The following WASHC2A variants were observed in gnomAD, a reference collection of about 807,000 sequenced individuals.
WASHC2A encodes the protein WASH complex subunit 2A.
WASHC2A carries 82 observed loss-of-function variants against 140.3 expected under a neutral mutation model. That is an observed-to-expected ratio of 0.58 (90% CI 0.49 to 0.70). The LOEUF is 0.70. Ranked by LOEUF, WASHC2A falls within the 30% of genes least tolerant of loss-of-function variation. The pLI, the probability that WASHC2A is intolerant of heterozygous loss-of-function variation, is 0.00. For synonymous variants in WASHC2A, 340 were observed against 560.8 expected, an observed-to-expected ratio of 0.61 and a Z score of 5.56; for missense variants, 985 against 1,521.8, an observed-to-expected ratio of 0.65 and a Z score of 5.87.
rs1428198056 is a variant in WASHC2A at position 50,068,124 on chromosome 10, A to C, written c.23A>C (p.Asp8Ala). The C allele has an allele frequency of 6.2e-7, 1 of 1,605,506 alleles. No homozygotes were observed. The highest frequency in any genetic ancestry group is 1.4e-5 in the African/African-American group (1 of 73,306). MMNRTTP[D>A]QELAPASEPV... Reference sequence around the variant, plus strand: ...CTGCAGATGAACCGGACGACCCCCGACCAGGAGCTGGCGCCAGCGTCGGAG... The same window carrying C: ...CTGCAGATGAACCGGACGACCCCCGCCCAGGAGCTGGCGCCAGCGTCGGAG... The change falls in exon 2 of 31, where the codon GAC becomes GCC. Residue 8 changes from aspartate (D) to alanine (A), a missense_variant. By Grantham distance (126) the Asp-to-Ala change is moderately radical. Coordinates refer to ENST00000282633, the MANE Select transcript of WASHC2A (RefSeq NM_001005751.3).
chr10:50,127,039 T>C (rs2133081412), intron 26 of WASHC2A, 121 bp from the exon 27 acceptor site: 1 of 1,130,908 alleles, frequency 8.8e-7, no homozygotes, highest in African/African-American at 1.5e-5. Context: ...TGAATGCCTT[T>C]CCCATTAAAG....
intron 8 of WASHC2A, among the ~76,000 whole-genome samples, chr10:50,090,515 A>AAAAAAAATAT (rs1214596899): frequency 6.4e-5 from 7 of 108,760 alleles, no homozygotes; most frequent in African/African-American, 2.0e-4. Flanking sequence ...AAAAAAAAAA[A>AAAAAAAATAT]ATATATATAT....
At chr10:50,074,808 C>T (rs1196091119) in intron 3 of WASHC2A, among the ~76,000 whole-genome samples, 2 of 151,982 alleles carry the variant, frequency 1.3e-5, no homozygotes, top group African/African-American at 2.4e-5. Context: ...CCCAGCTACT[C>T]GGGAGCTTGA....
At chr10:50,077,653 C>T (rs1554878454) in intron 3 of WASHC2A, among the ~76,000 whole-genome samples, 1 of 152,150 alleles carries the variant, frequency 6.6e-6, no homozygotes, top group Non-Finnish European at 1.5e-5. Context: ...TTATTTCTTT[C>T]TTTTTAAAAA....
intron 30 of WASHC2A, chr10:50,131,307 C>T (rs2597008): frequency 2.6e-5 from 19 of 744,466 alleles, no homozygotes; most frequent in East Asian, 2.2e-4. Context: ...CAGAGTTTGA[C>T]GTTTAAGTAT....
intron 21 of WASHC2A, among the ~76,000 whole-genome samples, chr10:50,115,943 C>A (rs1307317094): frequency 2.5e-4 from 38 of 151,996 alleles, no homozygotes; most frequent in African/African-American, 9.0e-4. Flanking sequence ...TGGTGGAACC[C>A]CATCTCTATT....
chr10:50,070,285 C>T (rs188118793), intron 3 of WASHC2A, among the ~76,000 whole-genome samples: 4,808 of 151,926 alleles, frequency 0.032, 253 homozygotes, highest in African/African-American at 0.11. Context: ...TAGATAGAGC[C>T]TCTCCCTTGG....
In WASHC2A at chr10:50,117,988, T is replaced by G. The variant is rs1842802573; in HGVS notation, c.2225T>G (p.Val742Gly). Residue 742 changes from valine (V) to glycine (G), a missense_variant, in exon 22 of 31, where the codon GTG becomes GGG. Physicochemically the swap from Val to Gly is moderately radical, Grantham distance 109. Coordinates refer to ENST00000282633, the MANE Select transcript of WASHC2A (RefSeq NM_001005751.3). ...EKEAQLGVKS[V>G]DKKVESAKES... is the part of the protein sequence containing the mutation. ...GAGGCACAACTTGGAGTGAAGTCTG[T>G]GGATAAGAAGGTTGAGAGTGCCAAG... 6.3e-7 allele frequency: 1 copy of G among 1,593,364 alleles called. No homozygotes were observed. The highest frequency in any genetic ancestry group is 1.1e-5 in the South Asian group (1 of 90,166).
At chr10:50,125,322 A>C in intron 24 of WASHC2A, 47 bp from the exon 25 acceptor site, 1 of 1,594,124 alleles carries the variant, frequency 6.3e-7, no homozygotes, top group Non-Finnish European at 8.6e-7. Flanking sequence ...TTCTCTTTGT[A>C]AATTGTTTTG....
intron 11 of WASHC2A, among the ~76,000 whole-genome samples, 196 bp from the exon 12 acceptor site, chr10:50,093,072 C>T (rs1840091642): frequency 1.2e-5 from 1 of 84,912 alleles, no homozygotes; most frequent in Non-Finnish European, 2.8e-5. Flanking sequence ...GAGTGGAGGC[C>T]CAGAGAGTCT....
In WASHC2A at chr10:50,095,183, G is replaced by C; in HGVS notation, c.1216G>C (p.Ala406Pro). The C allele has an allele frequency of 6.3e-7, 1 of 1,592,756 alleles. No individual in the cohort carries two copies. The highest frequency in any genetic ancestry group is 2.2e-5 in the East Asian group (1 of 44,768). ...SSSKPGKKIPAGAVSVFLGDT... is the reference protein window; with the variant it reads ...SSSKPGKKIPPGAVSVFLGDT... Reference sequence around the variant, plus strand: ...ATCCAAACCTGGAAAGAAAATCCCAGCAGGAGCTGTTTCTGTATTTTTAGG... The same window carrying C: ...ATCCAAACCTGGAAAGAAAATCCCACCAGGAGCTGTTTCTGTATTTTTAGG... Residue 406 changes from alanine to proline, a missense_variant, in exon 14 of 31, where the codon GCA becomes CCA. Physicochemically the swap from Ala to Pro is conservative, Grantham distance 27. Coordinates refer to ENST00000282633, the MANE Select transcript of WASHC2A (RefSeq NM_001005751.3).
Position 50,123,621 on chromosome 10 carries a change from G to T in WASHC2A, c.2479-1492G>T, listed in dbSNP as rs1369266454. On this transcript the variant is annotated intron_variant, in intron 23 of 30. Coordinates refer to ENST00000282633, the MANE Select transcript of WASHC2A (RefSeq NM_001005751.3). The stretch of plus-strand genomic sequence containing the variant: ...GCTAATGGTTTGGGGTTTCTTTTGG[G>T]AGTGATGAGAATATTCTAAACTTAG... Among the ~76,000 whole-genome samples, 56 of 150,144 alleles carry T rather than the reference G, an allele frequency of 3.7e-4. 6 individuals carry two copies. Among genetic ancestry groups the T allele is most frequent in the African/African-American group, 1.1e-3 (42 of 39,598 alleles).
Position 50,106,381 on chromosome 10 carries a change from A to G in WASHC2A, c.1785A>G (p.Leu595=), listed in dbSNP as rs1248744721. Residue 595 remains leucine (L), a synonymous_variant, in exon 19 of 31, where the codon CTA becomes CTG. Transcript: ENST00000282633. ...CTGCTAAGAAGCAGACATTGTGTCT[A>G]CAAGCTCAGAGAGAAGAGAAAGCAA... is the stretch of plus-strand genomic sequence containing the variant. The part of the protein sequence containing the change: ...GTAAKKQTLC[L]QAQREEKAKA... 6 of 1,611,994 alleles carry G rather than the reference A, an allele frequency of 3.7e-6. No individual in the cohort carries two copies. The highest frequency in any genetic ancestry group is 4.5e-4 in the Middle Eastern group (2 of 4,430).
rs1313989516 is a variant in WASHC2A at position 50,118,023 on chromosome 10, A to C, written c.2260A>C (p.Lys754Gln). 6.2e-7 allele frequency: 1 copy of C among 1,607,086 alleles called. No individual in the cohort carries two copies. Among genetic ancestry groups the C allele is most frequent in the Non-Finnish European group, 8.5e-7 (1 of 1,177,208 alleles). Residue 754 changes from lysine to glutamine, a missense_variant, in exon 22 of 31, where the codon AAA becomes CAA. By Grantham distance (53) the Lys-to-Gln change is moderately conservative. Transcript: ENST00000282633. ...KKVESAKESL[K>Q]FGRTDVAESE... ...GGTTGAGAGTGCCAAGGAGTCATTA[A>C]AATTTGGGAGAACTGATGTGGCTGA...
chr10:50,130,076 G>A, intron 29 of WASHC2A, 37 bp downstream of exon 29: 2 of 1,611,184 alleles, frequency 1.2e-6, no homozygotes, highest in Admixed American at 1.7e-5. Context: ...TCTGTTCTAA[G>A]TTAAGGAAGG....
chr10:50,113,970 T>C lies in WASHC2A; in HGVS notation c.2115T>C (p.Pro705=), dbSNP rs1554891236. 1 of 409,208 alleles carries C rather than the reference T, an allele frequency of 2.4e-6. No homozygotes were observed. Among genetic ancestry groups the C allele is most frequent in the African/African-American group, 4.6e-5 (1 of 21,610 alleles). 25.3% of individuals were successfully genotyped at this position (409,208 alleles called of 1,614,324 possible). Residue 705 remains proline (P), a synonymous_variant, in exon 21 of 31, where the codon CCT becomes CCC. Coordinates refer to ENST00000282633, the MANE Select transcript of WASHC2A (RefSeq NM_001005751.3). ...VDSGGSLFGS[P]PTSVPPATKK... ...GCGGAGGCTCTCTGTTTGGCTCTCC[T>C]CCCACATCTGTTCCTCCTGCAACAA...
chr10:50,094,304 GT>G (rs1478874053), intron 13 of WASHC2A, among the ~76,000 whole-genome samples: 1 of 146,424 alleles, frequency 6.8e-6, no homozygotes, highest in Admixed American at 6.9e-5. Flanking sequence ...ATCTGTGCAG[GT>G]TTTTTTGTTT....
intron 17 of WASHC2A, among the ~76,000 whole-genome samples, chr10:50,100,592 A>T (rs1841026873): frequency 6.6e-6 from 1 of 152,128 alleles, no homozygotes; most frequent in Non-Finnish European, 1.5e-5. Context: ...ATTTCCTGGG[A>T]TGAAAATCCT....
intron 5 of WASHC2A, among the ~76,000 whole-genome samples, chr10:50,082,459 AG>A (rs1430032897): frequency 3.5e-5 from 5 of 143,752 alleles, no homozygotes; most frequent in South Asian, 2.4e-4. Flanking sequence ...AGGCTGTGCA[AG>A]GGTGGAGCAC....
Sources: allele counts gnomAD v4.1 joint callset (sites outside exome capture counted in the v4.1 genomes callset), GRCh38; gene constraint gnomAD v4.1.1; transcripts MANE v1.5; gene names NCBI Gene and HGNC (gene_info 2026-07-23, HGNC 2026-07-21).